The following KSR2 variants were observed in gnomAD, a reference collection of about 807,000 sequenced individuals.
KSR2 encodes the protein kinase suppressor of ras 2.
KSR2 carries 25 observed loss-of-function variants against 107.8 expected under a neutral mutation model. The observed-to-expected ratio is 0.23, with a 90% CI of 0.17 to 0.32. KSR2 has a LOEUF of 0.32. Among genes scored for constraint, KSR2 ranks in the 10% least tolerant of loss-of-function variants. KSR2 has a pLI of 1.00. For synonymous variants in KSR2, 480 were observed against 507.0 expected, an observed-to-expected ratio of 0.95 and a Z score of 0.71; for missense variants, 887 against 1,268.9, an observed-to-expected ratio of 0.70 and a Z score of 4.57.
chr12:117,586,792 G>A (rs1379205503), intron 5 of KSR2, among the ~76,000 whole-genome samples: 2 of 152,104 alleles, frequency 1.3e-5, no homozygotes, highest in African/African-American at 4.8e-5. Flanking sequence ...TATCAGCCAT[G>A]ATCATTAGTG....
chr12:117,686,460 A>C (rs910743696), intron 4 of KSR2, among the ~76,000 whole-genome samples: 2 of 152,012 alleles, frequency 1.3e-5, no homozygotes, highest in African/African-American at 4.8e-5. Flanking sequence ...CACAGCATAT[A>C]AGGGGCAGAG....
intron 4 of KSR2, among the ~76,000 whole-genome samples, chr12:117,708,325 G>C (rs549480671): frequency 1.4e-4 from 22 of 152,218 alleles, no homozygotes; most frequent in African/African-American, 5.3e-4. Context: ...GGCTCTCTGT[G>C]CCTTATCTCA....
In KSR2 at chr12:117,583,836, G is replaced by A. The variant is rs1023652693; in HGVS notation, c.1172-1477C>T. Among the ~76,000 whole-genome samples the A allele has an allele frequency of 6.6e-5, 10 of 152,264 alleles. No individual in the cohort carries two copies. In the East Asian group the frequency reaches 1.6e-3, roughly 24 times the overall value. ...AGCAAGTGCCTGACCCTACACGCCC[G>A]TTCTCATTTCTCAGGCCAGAGGGAT... is the stretch of plus-strand genomic sequence containing the variant. On this transcript the variant is annotated intron_variant, in intron 5 of 19. Transcript: ENST00000339824.
chr12:117,536,052 T>C (rs189868921), intron 10 of KSR2, among the ~76,000 whole-genome samples: 1 of 152,118 alleles, frequency 6.6e-6, no homozygotes, highest in Non-Finnish European at 1.5e-5. Flanking sequence ...CCACCGAGGC[T>C]GCACACGCCA....
chr12:117,903,074 AAT>A (rs1170453403), intron 1 of KSR2, among the ~76,000 whole-genome samples: 1 of 152,240 alleles, frequency 6.6e-6, no homozygotes, highest in Non-Finnish European at 1.5e-5. Context: ...GAGTTGCGTT[AAT>A]GTAGGCGAGA....
intron 3 of KSR2, among the ~76,000 whole-genome samples, chr12:117,808,213 G>A (rs1409514775): frequency 1.3e-5 from 2 of 152,148 alleles, no homozygotes; most frequent in African/African-American, 4.8e-5. Context: ...TGTCATGTAT[G>A]GCCCTGTCCA....
chr12:117,613,332 C>T (rs1593051672), intron 5 of KSR2, among the ~76,000 whole-genome samples: 1 of 152,296 alleles, frequency 6.6e-6, no homozygotes, highest in Non-Finnish European at 1.5e-5. Flanking sequence ...ACTCAGCTCC[C>T]CCATTGGCCT....
intron 4 of KSR2, among the ~76,000 whole-genome samples, chr12:117,733,464 C>G (rs151081769): frequency 1.3e-5 from 2 of 152,298 alleles, no homozygotes; most frequent in African/African-American, 4.8e-5. Flanking sequence ...CCAAATCTGG[C>G]CCACTACCTG....
chr12:117,935,724 C>T (rs1224703880), intron 1 of KSR2, among the ~76,000 whole-genome samples: 2 of 152,294 alleles, frequency 1.3e-5, no homozygotes, highest in Non-Finnish European at 2.9e-5. Context: ...TGCGCTACTG[C>T]ACTCCAGCCT....
In KSR2 at chr12:117,770,267, C is replaced by T. The variant is rs189823890; in HGVS notation, c.473-8743G>A. On this transcript the variant is annotated intron_variant, in intron 3 of 19. Transcript: ENST00000339824. ...CATCCTAAGTCCAATGGTTTGTGTCCTTATAAGACGAGGAGAAGACACAGA... is the reference window on the plus strand; with the variant it reads ...CATCCTAAGTCCAATGGTTTGTGTCTTTATAAGACGAGGAGAAGACACAGA... 1.6e-3 allele frequency among the ~76,000 whole-genome samples: 247 copies of T among 152,142 alleles called. 1 individual carries two copies. The highest frequency in any genetic ancestry group is 5.5e-3 in the African/African-American group (229 of 41,500).
chr12:117,636,746 A>G (rs933807132), intron 5 of KSR2, among the ~76,000 whole-genome samples: 14 of 152,224 alleles, frequency 9.2e-5, no homozygotes, highest in African/African-American at 3.4e-4. Context: ...ACCTCAGGGA[A>G]GAAGAATTTG....
At chr12:117,524,719 T>C (rs1874991252) in intron 14 of KSR2, 133 bp downstream of exon 14, 1 of 1,090,390 alleles carries the variant, frequency 9.2e-7, no homozygotes, top group Non-Finnish European at 1.3e-6. Flanking sequence ...TTAAACCATG[T>C]AAGTAAACTG....
At chr12:117,703,142 A>C (rs1213606763) in intron 4 of KSR2, among the ~76,000 whole-genome samples, 2 of 152,240 alleles carry the variant, frequency 1.3e-5, no homozygotes, top group Non-Finnish European at 1.5e-5. Flanking sequence ...AGAGAAAGGC[A>C]GATGGCTCTG....
At chr12:117,706,455 A>T (rs1235709920) in intron 4 of KSR2, among the ~76,000 whole-genome samples, 1 of 152,050 alleles carries the variant, frequency 6.6e-6, no homozygotes, top group Non-Finnish European at 1.5e-5. Flanking sequence ...TTCTGTTCAC[A>T]TTCCCATAGT....
chr12:117,673,011 G>A (rs563968261), intron 4 of KSR2, among the ~76,000 whole-genome samples: 7 of 152,270 alleles, frequency 4.6e-5, no homozygotes, highest in South Asian at 2.1e-4. Flanking sequence ...GATAACCACG[G>A]TCATCTCCAA....
At chr12:117,681,846 G>A (rs1885377034) in intron 4 of KSR2, among the ~76,000 whole-genome samples, 1 of 152,048 alleles carries the variant, frequency 6.6e-6, no homozygotes, top group African/African-American at 2.4e-5. Flanking sequence ...AAACCGTTGG[G>A]GAAGACAGTG....
chr12:117,607,338 G>A (rs540029829), intron 5 of KSR2, among the ~76,000 whole-genome samples: 3 of 152,288 alleles, frequency 2.0e-5, no homozygotes, highest in South Asian at 2.1e-4. Flanking sequence ...AGTCTTCTCC[G>A]TGACTATGGG....
intron 1 of KSR2, among the ~76,000 whole-genome samples, chr12:117,924,169 C>T (rs888324142): frequency 4.6e-5 from 7 of 151,576 alleles, no homozygotes; most frequent in African/African-American, 1.7e-4. Context: ...TGAGCCACTG[C>T]GCCCGGCCTA....
chr12:117,908,142 A>C (rs926950018), intron 1 of KSR2, among the ~76,000 whole-genome samples: 6 of 152,342 alleles, frequency 3.9e-5, no homozygotes, highest in Non-Finnish European at 7.4e-5. Flanking sequence ...TATATGGAAA[A>C]GCTAAACAGA....
Sources: gnomAD v4.1 joint callset for allele counts (sites outside exome capture counted in the v4.1 genomes callset) on GRCh38, gnomAD v4.1.1 for gene constraint, MANE v1.5 for transcripts, NCBI Gene and HGNC (gene_info 2026-07-23, HGNC 2026-07-21) for gene names.